OPRK1: variants seen among roughly 807,000 people sequenced by gnomAD.
OPRK1 encodes the protein kappa-type opioid receptor.
OPRK1 carries 15 observed loss-of-function variants against 24.5 expected under a neutral mutation model. The ratio of observed to expected loss-of-function variants is 0.61; its 90% CI spans 0.41 to 0.94. The LOEUF (loss-of-function observed/expected upper bound fraction) is 0.94. Ranked by LOEUF, OPRK1 falls within the 40% of genes least tolerant of loss-of-function variation. The probability of loss-of-function intolerance (pLI) is 0.00; values close to 1 mark genes in which losing one functional copy is unlikely to be tolerated. For missense variants in OPRK1, 479 were observed against 507.3 expected (o/e 0.94, Z 0.54); for synonymous variants, 205 against 198.0 (o/e 1.04, Z -0.30).
chr8:53,234,623 A>G (rs1373144849), intron 3 of OPRK1, 136 bp downstream of exon 3: 9 of 705,268 alleles, frequency 1.3e-5, no homozygotes, highest in African/African-American at 5.4e-5. Flanking sequence ...CTCATCTTCC[A>G]TGGATTTAGG....
Position 53,250,816 on chromosome 8 carries a change from C to T in OPRK1, c.222G>A (p.Leu74=). Reference sequence around the variant, plus strand: ...CGAACATGACCAGCGAGTTGCCCACCAAGCCCACGACGAACACTACGGAGT... The same window carrying T: ...CGAACATGACCAGCGAGTTGCCCACTAAGCCCACGACGAACACTACGGAGT... ...AVYSVVFVVG[L]VGNSLVMFVI... The change falls in exon 2 of 4, where the codon TTG becomes TTA. Residue 74 remains leucine, a synonymous_variant. Coordinates refer to ENST00000265572, the MANE Select transcript of OPRK1 (RefSeq NM_000912.5). 3 of 1,610,818 alleles carry T rather than the reference C, an allele frequency of 1.9e-6. No individual in the cohort carries two copies. The highest frequency in any genetic ancestry group is 1.7e-5 in the Admixed American group (1 of 59,846).
intron 2 of OPRK1, among the ~76,000 whole-genome samples, chr8:53,244,865 C>T (rs544884790): frequency 6.8e-4 from 104 of 152,152 alleles, no homozygotes; most frequent in Admixed American, 2.2e-3. Context: ...TGTGACTGTA[C>T]GGTCCTGCCT....
At chr8:53,231,113 A>G (rs10097082) in intron 3 of OPRK1, among the ~76,000 whole-genome samples, 25,435 of 152,116 alleles carry the variant, frequency 0.17, 2,952 homozygotes, top group African/African-American at 0.32. Flanking sequence ...TTGGAGTAGT[A>G]AATGAACACT....
chr8:53,234,676 A>G lies in OPRK1; in HGVS notation c.610+83T>C, dbSNP rs1027414301. 5 of 1,198,916 alleles carry G rather than the reference A, an allele frequency of 4.2e-6. No individual in the cohort carries two copies. In the African/African-American group the frequency reaches 7.6e-5, roughly 18 times the overall value. The allele number at this position is 1,198,916 out of a possible 1,614,324, so 74.3% of individuals were successfully genotyped here. A position where few individuals can be genotyped will look rare whatever the true frequency, so the allele number is the denominator to read the frequency against. ...CTTTTGGCATCGATTTCCACTAAATATGTGGCCTACTCACGCTCAAATTAA... is the reference window on the plus strand; with the variant it reads ...CTTTTGGCATCGATTTCCACTAAATGTGTGGCCTACTCACGCTCAAATTAA... On this transcript the variant is annotated intron_variant, in intron 3 of 3. Coordinates refer to ENST00000265572, the MANE Select transcript of OPRK1 (RefSeq NM_000912.5).
chr8:53,248,986 A>G (rs1807303073), intron 2 of OPRK1, among the ~76,000 whole-genome samples: 1 of 152,206 alleles, frequency 6.6e-6, no homozygotes, highest in Non-Finnish European at 1.5e-5. Context: ...TCCATTAAAA[A>G]TCCTAGCTAA....
At chr8:53,251,183 G>A in intron 1 of OPRK1, 98 bp from the exon 2 acceptor site, 2 of 1,311,180 alleles carry the variant, frequency 1.5e-6, no homozygotes, top group South Asian at 1.7e-5. Flanking sequence ...ACTCCCACCC[G>A]GGCCGCAAGT....
chr8:53,244,062 G>A (rs1030170778), intron 2 of OPRK1, among the ~76,000 whole-genome samples: 5 of 152,214 alleles, frequency 3.3e-5, no homozygotes, highest in African/African-American at 7.2e-5. Flanking sequence ...AAACTTGGGA[G>A]AGAAGAGGCA....
chr8:53,230,757 C>T (rs1179218989), intron 3 of OPRK1, among the ~76,000 whole-genome samples: 3 of 152,118 alleles, frequency 2.0e-5, no homozygotes, highest in African/African-American at 7.2e-5. Context: ...CCAACCCCTG[C>T]CCCTGAGAAG....
rs1328235609 is a variant in OPRK1 at position 53,229,680 on chromosome 8, T to TGA, written c.758_759dup (p.Lys254SerfsTer66). 1.9e-6 allele frequency: 3 copies of TGA among 1,614,006 alleles called. No individual in the cohort carries two copies. The Admixed American group carries it at 5.0e-5, about 27-fold the overall frequency. ...GAGCCAGAAAGGAGCCGGACGCTCTTGAGACGCAGGATCATCAGGGTGTAG... is the reference window on the plus strand; with the variant it reads ...GAGCCAGAAAGGAGCCGGACGCTCTTGAGAGACGCAGGATCATCAGGGTGTAG... On this transcript the variant is annotated frameshift_variant, in exon 4 of 4. Coordinates refer to ENST00000265572, the MANE Select transcript of OPRK1 (RefSeq NM_000912.5). LOFTEE classifies it high-confidence loss of function.
In OPRK1 at chr8:53,234,939, T is replaced by A. The variant is rs767532151; in HGVS notation, c.430A>T (p.Thr144Ser). Residue 144 changes from threonine to serine, a missense_variant, in exon 3 of 4, where the codon ACC becomes TCC. Coordinates refer to ENST00000265572, the MANE Select transcript of OPRK1 (RefSeq NM_000912.5). The part of the protein sequence containing the change: ...VISIDYYNMF[T>S]SIFTLTMMSV... ...ATCATGGTCAAGGTGAAGATGCTGG[T>A]GAACATGTTGTAGTAATCAATGGAA... 2.5e-5 allele frequency: 40 copies of A among 1,614,170 alleles called. No individual in the cohort carries two copies. The highest frequency in any genetic ancestry group is 3.3e-5 in the Non-Finnish European group (39 of 1,180,034).
chr8:53,232,558 G>A (rs1451558101), intron 3 of OPRK1, among the ~76,000 whole-genome samples: 1 of 152,018 alleles, frequency 6.6e-6, no homozygotes, highest in Non-Finnish European at 1.5e-5. Context: ...TTTTAAAAAA[G>A]AAATTCCTGT....
At chr8:53,248,977 C>A (rs764742266) in intron 2 of OPRK1, among the ~76,000 whole-genome samples, 1 of 152,194 alleles carries the variant, frequency 6.6e-6, no homozygotes, top group Non-Finnish European at 1.5e-5. Context: ...GGAAATCTAT[C>A]CATTAAAAAT....
At chr8:53,244,644 C>T (rs991386378) in intron 2 of OPRK1, among the ~76,000 whole-genome samples, 1 of 152,204 alleles carries the variant, frequency 6.6e-6, no homozygotes, top group African/African-American at 2.4e-5. Flanking sequence ...TCTGATTCCT[C>T]CTATTTTTTC....
rs1806754176 is a variant in OPRK1, at chr8:53,228,139, A to G, written c.*1158T>C. 6.6e-6 allele frequency: 1 copy of G among 152,184 alleles called. No individual in the cohort carries two copies. The highest frequency in any genetic ancestry group is 6.5e-5 in the Admixed American group (1 of 15,274). The allele number at this position is 152,184 out of a possible 1,614,324, so 9.4% of individuals were successfully genotyped here. A position where few individuals can be genotyped will look rare whatever the true frequency, so the allele number is the denominator to read the frequency against. On this transcript the variant is annotated 3_prime_UTR_variant, in exon 4 of 4. Coordinates refer to ENST00000265572, the MANE Select transcript of OPRK1 (RefSeq NM_000912.5). ...TGTCCTCATTCAGCACACATTTAGG[A>G]ACAATTCTACTTCCTGCTGAGAGCC...
At chr8:53,245,661 C>T (rs73589378) in intron 2 of OPRK1, among the ~76,000 whole-genome samples, 15,132 of 152,074 alleles carry the variant, frequency 0.1, 821 homozygotes, top group South Asian at 0.18. Context: ...CAGAATGTAC[C>T]TGACAGTTAT....
At position 53,243,039 on chromosome 8, in the gene OPRK1, G is replaced by GA. The variant is rs1807152773; in HGVS notation, c.257+7741dup. 8 of 1,098,366 alleles carry GA rather than the reference G, an allele frequency of 7.3e-6. No homozygotes were observed. The Admixed American group carries it at 2.1e-4, about 29-fold the overall frequency. The allele number at this position is 1,098,366 out of a possible 1,614,324, so 68.0% of individuals were successfully genotyped here. The stretch of plus-strand genomic sequence containing the variant: ...AACCAGCACCCCCTCCAAAGAAAGG[G>GA]AAAAAAAGGGACTGCTGCTGATCTT... On this transcript the variant is annotated intron_variant, in intron 2 of 3. Transcript: ENST00000265572.
At chr8:53,240,446 C>G (rs1011551528) in intron 2 of OPRK1, among the ~76,000 whole-genome samples, 6 of 152,114 alleles carry the variant, frequency 3.9e-5, no homozygotes, top group African/African-American at 1.4e-4. Flanking sequence ...GCTGGTGGCT[C>G]TCTTACAACA....
In OPRK1 at chr8:53,227,271, A is replaced by T. The variant is rs1477432120; in HGVS notation, c.*2026T>A. On this transcript the variant is annotated 3_prime_UTR_variant, in exon 4 of 4. Transcript: ENST00000265572. ...AGACTCCGTCTCAAAAAAAAAAAAA[A>T]AAAAAAAGAAGACAGAAAAAATTAA... The T allele has an allele frequency of 6.5e-6, 1 of 152,944 alleles. No homozygotes were observed. Among genetic ancestry groups the T allele is most frequent in the Non-Finnish European group, 1.5e-5 (1 of 68,838 alleles). 9.5% of individuals were successfully genotyped at this position (152,944 alleles called of 1,614,324 possible). A position where few individuals can be genotyped will look rare whatever the true frequency, so the allele number is the denominator to read the frequency against.
intron 2 of OPRK1, among the ~76,000 whole-genome samples, chr8:53,236,935 G>A (rs1252609577): frequency 2.6e-5 from 4 of 152,016 alleles, no homozygotes; most frequent in African/African-American, 7.3e-5. Context: ...ATAAACTTAG[G>A]CAGACCTGGG....
Sources: gnomAD v4.1 joint callset for allele counts (sites outside exome capture counted in the v4.1 genomes callset) on GRCh38, gnomAD v4.1.1 for gene constraint, MANE v1.5 for transcripts, NCBI Gene and HGNC (gene_info 2026-07-23, HGNC 2026-07-21) for gene names.